The following BLK variants were observed in gnomAD, a reference collection of about 807,000 sequenced individuals.
BLK encodes the protein tyrosine-protein kinase Blk.
In BLK, 64 loss-of-function variants were observed where a neutral mutation model predicts 61.8. The ratio of observed to expected loss-of-function variants is 1.03; its 90% CI spans 0.85 to 1.27. The LOEUF (loss-of-function observed/expected upper bound fraction) is 1.27. Among genes scored for constraint, BLK ranks in the 50% most tolerant of loss-of-function variants. BLK has a pLI of 0.00. For synonymous variants in BLK, 351 were observed against 272.0 expected (o/e 1.29, Z -2.86); for missense variants, 853 against 660.5 (o/e 1.29, Z -3.19).
intron 1 of BLK, among the ~76,000 whole-genome samples, chr8:11,535,182 A>G (rs7841343): frequency 7.3e-6 from 1 of 136,856 alleles, no homozygotes; most frequent in Non-Finnish European, 1.6e-5. Context: ...GATGAATGAA[A>G]GAAAGAAAGA....
intron 1 of BLK, among the ~76,000 whole-genome samples, chr8:11,526,981 T>C (rs1421907186): frequency 6.6e-6 from 1 of 152,244 alleles, no homozygotes; most frequent in Non-Finnish European, 1.5e-5. Flanking sequence ...TTTTCTTTTA[T>C]GTGCTTGGGG....
At chr8:11,530,385 G>A (rs1164210969) in intron 1 of BLK, among the ~76,000 whole-genome samples, 2 of 152,202 alleles carry the variant, frequency 1.3e-5, no homozygotes, top group Non-Finnish European at 2.9e-5. Context: ...TAGGAGGTCA[G>A]TTCCTCCAAG....
rs561142380 is a variant in BLK, at chr8:11,537,782, A to G, written c.-1-5442A>G. ...CCGTCAAGTGCTTTTCAACCATGTC[A>G]TGCTAGCCAAGTGCAAATAAGGGGT... On this transcript the variant is annotated intron_variant, in intron 1 of 12. Transcript: ENST00000259089. Among the ~76,000 whole-genome samples, 27 of 152,344 alleles carry G rather than the reference A, an allele frequency of 1.8e-4. No individual in the cohort carries two copies. The East Asian group carries it at 5.2e-3, about 29-fold the overall frequency.
At chr8:11,503,122 T>A (rs1347425776) in intron 1 of BLK, among the ~76,000 whole-genome samples, 1 of 152,124 alleles carries the variant, frequency 6.6e-6, no homozygotes, top group Non-Finnish European at 1.5e-5. Context: ...ACACCTGGGG[T>A]GCAAAACTGA....
At chr8:11,531,895 G>A (rs933048908) in intron 1 of BLK, among the ~76,000 whole-genome samples, 2 of 152,192 alleles carry the variant, frequency 1.3e-5, no homozygotes, top group African/African-American at 4.8e-5. Flanking sequence ...GTCTCGCCCT[G>A]TTGCCCAGGC....
chr8:11,535,335 G>A (rs865861930), intron 1 of BLK, among the ~76,000 whole-genome samples: 3 of 140,578 alleles, frequency 2.1e-5, no homozygotes, highest in Admixed American at 7.1e-5. Flanking sequence ...AGAAGGAAAA[G>A]GGAAGGGAAG....
At chr8:11,518,353 T>C (rs1371274941) in intron 1 of BLK, among the ~76,000 whole-genome samples, 1 of 152,180 alleles carries the variant, frequency 6.6e-6, no homozygotes, top group Non-Finnish European at 1.5e-5. Flanking sequence ...ATTCACTTTT[T>C]TAGAAAACTT....
At chr8:11,538,020 C>T (rs1343322247) in intron 1 of BLK, among the ~76,000 whole-genome samples, 1 of 152,156 alleles carries the variant, frequency 6.6e-6, no homozygotes, top group African/African-American at 2.4e-5. Context: ...GACACACATG[C>T]ACACGGTGCA....
chr8:11,519,373 T>A lies in BLK; in HGVS notation c.-1-23851T>A, dbSNP rs573192203. 9.5e-4 allele frequency among the ~76,000 whole-genome samples: 145 copies of A among 152,164 alleles called. 2 individuals are homozygous for A. Among genetic ancestry groups the A allele is most frequent in the Non-Finnish European group, 3.1e-4 (21 of 68,028 alleles). On this transcript the variant is annotated intron_variant, in intron 1 of 12. Transcript: ENST00000259089. Reference sequence around the variant, plus strand: ...GTTCCACGGTATTGAACCAAAGCAATTTTTCTTCTGAGAGCCTAAACTGAG... The same window carrying A: ...GTTCCACGGTATTGAACCAAAGCAAATTTTCTTCTGAGAGCCTAAACTGAG...
At chr8:11,498,184 C>T (rs1205866133) in intron 1 of BLK, among the ~76,000 whole-genome samples, 1 of 152,334 alleles carries the variant, frequency 6.6e-6, no homozygotes, top group East Asian at 1.9e-4. Flanking sequence ...AAACAAGACA[C>T]ACCTGGGATG....
chr8:11,563,765 G>T, intron 12 of BLK, 138 bp from the exon 13 acceptor site: 1 of 795,920 alleles, frequency 1.3e-6, no homozygotes, highest in Non-Finnish European at 2.0e-6. Context: ...GGCAACGCAC[G>T]AGGCTGGAGA....
chr8:11,523,835 A>G (rs531157822), intron 1 of BLK, among the ~76,000 whole-genome samples: 1 of 85,438 alleles, frequency 1.2e-5, no homozygotes, highest in South Asian at 4.8e-4. Context: ...AGATTGACAG[A>G]GTTGTTTTTT....
chr8:11,495,175 T>A (rs1045670203), intron 1 of BLK, among the ~76,000 whole-genome samples: 1 of 152,336 alleles, frequency 6.6e-6, no homozygotes, highest in East Asian at 1.9e-4. Flanking sequence ...AAGGAAAGCA[T>A]AGTTGATCAC....
Position 11,546,046 on chromosome 8 carries a change from C to T in BLK, c.124-6C>T. The T allele has an allele frequency of 6.2e-7, 1 of 1,614,104 alleles. No individual in the cohort carries two copies. Among genetic ancestry groups the T allele is most frequent in the Non-Finnish European group, 8.5e-7 (1 of 1,179,954 alleles). ...AAATAACTCAAGTGTGTGTTTTCTA[C>T]CCAAGGTTGTCTTCAACCACCTTAC... On this transcript the variant is annotated splice_region_variant and splice_polypyrimidine_tract_variant and intron_variant, in intron 2 of 12. Coordinates refer to ENST00000259089, the MANE Select transcript of BLK (RefSeq NM_001715.3).
chr8:11,500,877 C>G (rs1426971342), intron 1 of BLK, among the ~76,000 whole-genome samples: 2 of 152,102 alleles, frequency 1.3e-5, no homozygotes, highest in East Asian at 3.9e-4. Flanking sequence ...CCTGCCATTT[C>G]TGTGGTGCAA....
At chr8:11,561,875 G>C (rs186672215) in intron 11 of BLK, among the ~76,000 whole-genome samples, 1 of 151,312 alleles carries the variant, frequency 6.6e-6, no homozygotes, top group East Asian at 1.9e-4. Flanking sequence ...CTGGAGTGCA[G>C]TGGCACAATC....
chr8:11,520,071 G>C (rs1322382810), intron 1 of BLK, among the ~76,000 whole-genome samples: 1 of 152,008 alleles, frequency 6.6e-6, no homozygotes, highest in Non-Finnish European at 1.5e-5. Context: ...GATAACTTTG[G>C]CTAATTAATA....
rs773325006 is a variant in BLK, at chr8:11,554,707, C to G, written c.473-36C>G. 5.6e-6 allele frequency: 9 copies of G among 1,609,084 alleles called. 1 individual carries two copies. The highest frequency in any genetic ancestry group is 3.3e-4 in the Middle Eastern group (2 of 6,078). On this transcript the variant is annotated intron_variant, in intron 6 of 12. Transcript: ENST00000259089. Reference sequence around the variant, plus strand: ...CCCAGTCCCGTTTTTTGTCTTTGTGCCTTACTTCTCGTGTGTGTCTTCATG... The same window carrying G: ...CCCAGTCCCGTTTTTTGTCTTTGTGGCTTACTTCTCGTGTGTGTCTTCATG...
intron 2 of BLK, 29 bp downstream of exon 2, chr8:11,543,376 C>G (rs1471512369): frequency 6.2e-7 from 1 of 1,611,012 alleles, no homozygotes; most frequent in Non-Finnish European, 8.5e-7. Context: ...CCACCAAGAG[C>G]AGATTACTTA....
Sources: allele counts gnomAD v4.1 joint callset (sites outside exome capture counted in the v4.1 genomes callset), GRCh38; gene constraint gnomAD v4.1.1; transcripts MANE v1.5; gene names NCBI Gene and HGNC (gene_info 2026-07-23, HGNC 2026-07-21).